The following JAG2 variants were observed in gnomAD, a reference collection of about 807,000 sequenced individuals.
The protein encoded by JAG2 is jagged canonical Notch ligand 2, also known as protein jagged-2.
JAG2 carries 46 observed loss-of-function variants against 141.7 expected under a neutral mutation model. That is an observed-to-expected ratio of 0.32 (90% CI 0.26 to 0.42). JAG2 has a LOEUF of 0.42. Ranked by LOEUF, JAG2 falls within the 10% of genes least tolerant of loss-of-function variation. JAG2 has a pLI of 1.00. For missense variants in JAG2, 1,500 were observed against 1,817.5 expected (o/e 0.83, Z 3.18); for synonymous variants, 862 against 763.5 (o/e 1.13, Z -2.13).
intron 21 of JAG2, 41 bp from the exon 22 acceptor site, chr14:105,146,541 G>T: frequency 6.2e-7 from 1 of 1,605,400 alleles, no homozygotes. Flanking sequence ...GTGGGCATCT[G>T]GCCCTCGGGG....
At chr14:105,149,401 G>A in intron 12 of JAG2, 81 bp from the exon 13 acceptor site, 2 of 1,583,818 alleles carry the variant, frequency 1.3e-6, no homozygotes, top group Non-Finnish European at 1.7e-6. Flanking sequence ...CCATACGAAG[G>A]TAGATCCCTG....
Position 105,147,484 on chromosome 14 carries a change from C to T in JAG2, c.2393+16G>A. ...GTCCCACCCACCCCTGCTGTGGCCC[C>T]CAGGGTGCCACTCACCAAGGCAGAG... is the stretch of plus-strand genomic sequence containing the variant. On this transcript the variant is annotated intron_variant, in intron 19 of 25. Transcript: ENST00000331782. The T allele has an allele frequency of 6.2e-7, 1 of 1,611,238 alleles. No homozygotes were observed. Among genetic ancestry groups the T allele is most frequent in the South Asian group, 1.1e-5 (1 of 91,046 alleles).
intron 25 of JAG2, 124 bp from the exon 26 acceptor site, chr14:105,143,294 G>C: frequency 7.5e-7 from 1 of 1,334,352 alleles, no homozygotes; most frequent in Non-Finnish European, 1.0e-6. Context: ...CCGGTTGCTG[G>C]CTCGTGGGGA....
At chr14:105,161,634 G>C (rs587656657) in intron 2 of JAG2, among the ~76,000 whole-genome samples, 2 of 152,192 alleles carry the variant, frequency 1.3e-5, no homozygotes, top group African/African-American at 4.8e-5. Flanking sequence ...ACCTGAGCTG[G>C]CTGACGGGGC....
At chr14:105,144,421 T>C (rs1888160585) in intron 24 of JAG2, among the ~76,000 whole-genome samples, 1 of 151,608 alleles carries the variant, frequency 6.6e-6, no homozygotes, top group Non-Finnish European at 1.5e-5. Context: ...GGCCATGGCC[T>C]CCACCAGCCA....
At position 105,147,970 on chromosome 14, in the gene JAG2, C is replaced by G. The variant is rs1041974145; in HGVS notation, c.2249-82G>C. The G allele has an allele frequency of 4.0e-4, 490 of 1,230,026 alleles. 4 individuals are homozygous for G. Among genetic ancestry groups the G allele is most frequent in the Admixed American group, 1.6e-4 (8 of 50,516 alleles). 76.2% of individuals were successfully genotyped at this position (1,230,026 alleles called of 1,614,324 possible). A position where few individuals can be genotyped will look rare whatever the true frequency, so the allele number is the denominator to read the frequency against. On this transcript the variant is annotated intron_variant, in intron 17 of 25. Coordinates refer to ENST00000331782, the MANE Select transcript of JAG2 (RefSeq NM_002226.5). ...CTCCATACCGCGCCCCCAACCCAGA[C>G]AGGGCAGACAGACCCGGGGGCAGGG...
At position 105,143,258 on chromosome 14, in the gene JAG2, C is replaced by A. The variant is rs587749789; in HGVS notation, c.3242-88G>T. The A allele has an allele frequency of 4.1e-6, 6 of 1,452,716 alleles. No homozygotes were observed. The African/African-American group carries it at 7.0e-5, about 17-fold the overall frequency. The allele number at this position is 1,452,716 out of a possible 1,614,324, so 90.0% of individuals were successfully genotyped here. A position where few individuals can be genotyped will look rare whatever the true frequency, so the allele number is the denominator to read the frequency against. The stretch of plus-strand genomic sequence containing the variant: ...CACACCCAGGCCTGGGAGGGCCCTG[C>A]GGGCCAGGCGGCCGGGCCCCACCCT... On this transcript the variant is annotated intron_variant, in intron 25 of 25. Transcript: ENST00000331782.
rs942198366 is a variant in JAG2, at chr14:105,142,542, A to G, written c.*153T>C. 12 of 617,280 alleles carry G rather than the reference A, an allele frequency of 1.9e-5. No individual in the cohort carries two copies. Among genetic ancestry groups the G allele is most frequent in the Non-Finnish European group, 3.4e-5 (12 of 352,662 alleles). 38.2% of individuals were successfully genotyped at this position (617,280 alleles called of 1,614,324 possible). A position where few individuals can be genotyped will look rare whatever the true frequency, so the allele number is the denominator to read the frequency against. On this transcript the variant is annotated 3_prime_UTR_variant, in exon 26 of 26. Transcript: ENST00000331782. ...GTTACTGAATAATTTATACAAGGTT[A>G]AAGAAACGTAGAAAATAAACATTTG...
At position 105,168,413 on chromosome 14, in the gene JAG2, G is replaced by A. The variant is rs1489728693; in HGVS notation, c.8C>T (p.Ala3Val). Residue 3 changes from alanine to valine, a missense_variant, in exon 1 of 26, where the codon GCG becomes GTG. By Grantham distance (64) the Ala-to-Val change is moderately conservative. Transcript: ENST00000331782. The stretch of plus-strand genomic sequence containing the variant: ...CCGGGGAAGGCGCCCCCGGCCCTGC[G>A]CCCGCATTGCCCCCGCGACCCGCCC... MR[A>V]QGRGRLPRRL... The A allele has an allele frequency of 2.1e-6, 2 of 935,994 alleles. No homozygotes were observed. Among genetic ancestry groups the A allele is most frequent in the South Asian group, 4.0e-5 (1 of 24,760 alleles). The allele number at this position is 935,994 out of a possible 1,614,324, so 58.0% of individuals were successfully genotyped here.
Position 105,167,538 on chromosome 14 carries a change from CGCGACCCCGCT to C in JAG2, c.417+208_417+218del, listed in dbSNP as rs587747991. Reference sequence around the variant, plus strand: ...CGGGACGCCGCCGCCCCGCCCCCGCCGCGACCCCGCTCCCGGTGGCCCCGGGGCCCCGGCGC... The same window carrying C: ...CGGGACGCCGCCGCCCCGCCCCCGCCCCCGGTGGCCCCGGGGCCCCGGCGC... On this transcript the variant is annotated intron_variant, in intron 2 of 25. Coordinates refer to ENST00000331782, the MANE Select transcript of JAG2 (RefSeq NM_002226.5). The surrounding 1 kb of genome is among the most constrained non-coding windows in gnomAD (Gnocchi z 4.8). 2.7e-3 allele frequency among the ~76,000 whole-genome samples: 395 copies of C among 147,656 alleles called. 2 individuals are homozygous for C. The highest frequency in any genetic ancestry group is 9.4e-3 in the African/African-American group (386 of 41,020).
At position 105,149,022 on chromosome 14, in the gene JAG2, G is replaced by A. The variant is rs145041298; in HGVS notation, c.1821C>T (p.Gly607=). 373 of 1,606,752 alleles carry A rather than the reference G, an allele frequency of 2.3e-4. 2 individuals carry two copies. The highest frequency in any genetic ancestry group is 5.0e-4 in the Middle Eastern group (3 of 6,024). ...MPGTAASGVC[G]PHGRCVSQPG... ...GCTGGCTGACGCAGCGTCCATGGGG[G>A]CCACACACGCCGGAGGCTGCTGTGC... The change falls in exon 14 of 26, where the codon GGC becomes GGT. Residue 607 remains glycine (G), a synonymous_variant. Transcript: ENST00000331782.
At chr14:105,151,760 G>A in intron 7 of JAG2, 21 bp from the exon 8 acceptor site, 1 of 1,601,566 alleles carries the variant, frequency 6.2e-7, no homozygotes, top group Non-Finnish European at 8.5e-7. Flanking sequence ...GCGGGGAGGG[G>A]GCAGAGCTGG....
In JAG2 at chr14:105,154,388, GCA is replaced by G. The variant is rs1371975557; in HGVS notation, c.788+1172_788+1173del. On this transcript the variant is annotated intron_variant, in intron 5 of 25. Transcript: ENST00000331782. This position sits in a 1 kb window ranked among gnomAD's most constrained non-coding sequence, Gnocchi z 4.4. ...CTCTCGGGCTCCCCAGCTTGCTCAC[GCA>G]CAGTGAGCGCCACGGCTCGAAGCCC... Among the ~76,000 whole-genome samples, 1 of 152,050 alleles carries G rather than the reference GCA, an allele frequency of 6.6e-6. No individual in the cohort carries two copies. Among genetic ancestry groups the G allele is most frequent in the Non-Finnish European group, 1.5e-5 (1 of 67,988 alleles).
chr14:105,152,380 C>G (rs1302790755), intron 5 of JAG2, 89 bp from the exon 6 acceptor site: 1 of 1,492,710 alleles, frequency 6.7e-7, no homozygotes, highest in African/African-American at 1.4e-5. Flanking sequence ...CCACGCCACA[C>G]CCAGGGCCGG....
chr14:105,143,110 A>G lies in JAG2; in HGVS notation c.3302T>C (p.Leu1101Pro), dbSNP rs774210756. The G allele has an allele frequency of 5.0e-6, 8 of 1,599,138 alleles. No homozygotes were observed. The highest frequency in any genetic ancestry group is 3.3e-5 in the South Asian group (3 of 91,052). ...GCGCTTGCGTGTCCACCACACGCAC[A>G]GGACCACGCACGCCAGCCACAGCAC... ...FSVLWLACVV[L>P]CVWWTRKRRK... The change falls in exon 26 of 26, where the codon CTG (leucine) becomes CCG (proline). Residue 1101 changes from leucine to proline, a missense_variant. By Grantham distance (98) the Leu-to-Pro change is moderately conservative. Transcript: ENST00000331782.
chr14:105,145,119 CCCTGGACTGGCGCTGTGGGTACA>C, intron 23 of JAG2, 58 bp from the exon 24 acceptor site: 2 of 1,599,704 alleles, frequency 1.3e-6, no homozygotes, highest in Non-Finnish European at 1.7e-6. Context: ...ACACCTACAT[CCCTGGACTGGCGCTGTGGGTACA>C]CGTGGGACAC....
chr14:105,157,267 C>G (rs902311086), intron 3 of JAG2, among the ~76,000 whole-genome samples: 1 of 152,192 alleles, frequency 6.6e-6, no homozygotes, highest in Non-Finnish European at 1.5e-5. Context: ...TTCACACGAG[C>G]TGCTCCCTTG....
At chr14:105,151,842 C>T in intron 7 of JAG2, 96 bp downstream of exon 7, 2 of 1,605,704 alleles carry the variant, frequency 1.2e-6, no homozygotes, top group Non-Finnish European at 1.7e-6. Flanking sequence ...GGTCAGGGGC[C>T]CACCACACAG....
intron 20 of JAG2, 35 bp from the exon 21 acceptor site, chr14:105,146,759 G>A: frequency 6.5e-7 from 1 of 1,538,112 alleles, no homozygotes; most frequent in Non-Finnish European, 9.0e-7. Context: ...AGTGCAGTGA[G>A]GCCAACGCCC....
Sources: allele counts gnomAD v4.1 joint callset (sites outside exome capture counted in the v4.1 genomes callset), GRCh38; gene constraint gnomAD v4.1.1; non-coding constraint Gnocchi (gnomAD v3.1); transcripts MANE v1.5; gene names NCBI Gene and HGNC (gene_info 2026-07-23, HGNC 2026-07-21).